Variants in NBAS observed in about 807,000 individuals in gnomAD.
The protein encoded by NBAS is NAG/BC035112 fusion.
NBAS carries 219 observed loss-of-function variants against 302.5 expected under a neutral mutation model. The observed-to-expected ratio is 0.72, with a 90% CI of 0.65 to 0.81. NBAS has a LOEUF of 0.81. Ranked by LOEUF, NBAS falls within the 30% of genes least tolerant of loss-of-function variation. The probability of loss-of-function intolerance (pLI) is 0.00; values close to 1 mark genes in which losing one functional copy is unlikely to be tolerated. For synonymous variants in NBAS, 1,118 were observed against 1,021.6 expected (o/e 1.09, Z -1.80); for missense variants, 2,932 against 2,841.6 (o/e 1.03, Z -0.72).
the NBAS span, among the ~76,000 whole-genome samples, chr2:14,848,125 G>C: frequency 6.6e-6 from 1 of 152,070 alleles, no homozygotes; most frequent in African/African-American, 2.4e-5. Flanking sequence ...CAGCGTGAGC[G>C]ACGCAGAAGA....
intron 31 of NBAS, among the ~76,000 whole-genome samples, chr2:15,369,423 C>A (rs1171623267): frequency 6.6e-6 from 1 of 152,150 alleles, no homozygotes; most frequent in Non-Finnish European, 1.5e-5. Context: ...CTAAGCGATG[C>A]ACACTACTAA....
chr2:15,419,335 A>ATGTGTGTG (rs55830610), intron 23 of NBAS, among the ~76,000 whole-genome samples: 14 of 150,096 alleles, frequency 9.3e-5, no homozygotes, highest in East Asian at 3.9e-4. Context: ...ATACATATAT[A>ATGTGTGTG]TGTGTGTGTG....
intron 44 of NBAS, among the ~76,000 whole-genome samples, chr2:15,264,959 C>G (rs893800831): frequency 1.3e-5 from 2 of 152,134 alleles, no homozygotes; most frequent in Non-Finnish European, 2.9e-5. Context: ...CACTGACATC[C>G]TTAAATCATC....
chr2:14,945,534 A>G, the NBAS span, among the ~76,000 whole-genome samples: 1 of 152,230 alleles, frequency 6.6e-6, no homozygotes, highest in Non-Finnish European at 1.5e-5. Flanking sequence ...AGTGATTTCC[A>G]AGACAACACA....
chr2:15,229,278 T>C lies in NBAS; in HGVS notation c.6236+3144A>G, dbSNP rs549470901. 1.2e-4 allele frequency among the ~76,000 whole-genome samples: 17 copies of C among 137,314 alleles called. No individual in the cohort carries two copies. In the East Asian group the frequency reaches 1.8e-3, roughly 15 times the overall value. 90.1% of individuals were successfully genotyped at this position (137,314 alleles called of 152,430 possible). On this transcript the variant is annotated intron_variant, in intron 47 of 51. Coordinates refer to ENST00000281513, the MANE Select transcript of NBAS (RefSeq NM_015909.4). Reference sequence around the variant, plus strand: ...AATCACTTGAACCCGGGGGCAGAGGTTGCAGTGAGCCGAGATCCCATCACT... The same window carrying C: ...AATCACTTGAACCCGGGGGCAGAGGCTGCAGTGAGCCGAGATCCCATCACT...
At chr2:14,832,068 A>C in the NBAS span, among the ~76,000 whole-genome samples, 1 of 152,094 alleles carries the variant, frequency 6.6e-6, no homozygotes, top group Non-Finnish European at 1.5e-5. Flanking sequence ...GAGATCTGCT[A>C]TTGTTTTATT....
At chr2:15,304,823 C>A (rs1670957327) in intron 40 of NBAS, among the ~76,000 whole-genome samples, 1 of 152,176 alleles carries the variant, frequency 6.6e-6, no homozygotes, top group African/African-American at 2.4e-5. Context: ...CAAAAGGTGA[C>A]TTGGATGCTC....
intron 22 of NBAS, among the ~76,000 whole-genome samples, chr2:15,425,598 C>G (rs1677429692): frequency 6.6e-6 from 1 of 152,134 alleles, no homozygotes; most frequent in African/African-American, 2.4e-5. Flanking sequence ...TTTGCTTATA[C>G]CTGCCACTAC....
the NBAS span, among the ~76,000 whole-genome samples, chr2:15,097,579 C>CT: frequency 6.6e-6 from 1 of 151,912 alleles, no homozygotes; most frequent in African/African-American, 2.4e-5. Flanking sequence ...GGTAAGGACC[C>CT]TTTTCTGAGT....
intron 35 of NBAS, among the ~76,000 whole-genome samples, chr2:15,343,097 C>G (rs1409370003): frequency 6.6e-6 from 1 of 152,044 alleles, no homozygotes; most frequent in African/African-American, 2.4e-5. Context: ...CAAAAGCATA[C>G]CCTGCAAAGA....
chr2:15,483,468 G>T, intron 12 of NBAS: 1 of 252,486 alleles, frequency 4.0e-6, no homozygotes, highest in South Asian at 4.3e-5. Context: ...AATAAAACTT[G>T]AGAGAAAAAT....
At chr2:14,874,364 C>A in the NBAS span, among the ~76,000 whole-genome samples, 1 of 151,556 alleles carries the variant, frequency 6.6e-6, no homozygotes, top group Admixed American at 6.6e-5. Flanking sequence ...CGGTGGCTCA[C>A]GCCTGTAATC....
the NBAS span, among the ~76,000 whole-genome samples, chr2:14,831,881 T>C: frequency 6.6e-6 from 1 of 152,168 alleles, no homozygotes; most frequent in Non-Finnish European, 1.5e-5. Flanking sequence ...TTGTAGATAC[T>C]CCATAGACAT....
rs184722810 is a variant in NBAS, at chr2:15,558,427, T to C, written c.172+153A>G. On this transcript the variant is annotated intron_variant, in intron 2 of 51. Coordinates refer to ENST00000281513, the MANE Select transcript of NBAS (RefSeq NM_015909.4). ...GTGCATGCGTAAATATACAAATGTATACATATACATACATATGTGTGTATA... is the reference window on the plus strand; with the variant it reads ...GTGCATGCGTAAATATACAAATGTACACATATACATACATATGTGTGTATA... 1.0e-3 allele frequency among the ~76,000 whole-genome samples: 155 copies of C among 152,258 alleles called. 1 individual carries two copies. Among genetic ancestry groups the C allele is most frequent in the Non-Finnish European group, 3.7e-4 (25 of 68,034 alleles).
chr2:14,782,762 A>G, the NBAS span, among the ~76,000 whole-genome samples: 4 of 152,230 alleles, frequency 2.6e-5, no homozygotes, highest in African/African-American at 9.6e-5. Flanking sequence ...TACACCATGG[A>G]ATACTACACA....
the NBAS span, among the ~76,000 whole-genome samples, chr2:14,936,536 C>T: frequency 6.6e-6 from 1 of 152,158 alleles, no homozygotes; most frequent in Non-Finnish European, 1.5e-5. Context: ...TGACAGTGTT[C>T]TACAGAGGGC....
rs548741680 is a variant in NBAS, at chr2:15,559,049, T to TGA, written c.118-417_118-416dup. 9.6e-4 allele frequency among the ~76,000 whole-genome samples: 84 copies of TGA among 87,958 alleles called. 1 individual carries two copies. The highest frequency in any genetic ancestry group is 3.0e-3 in the African/African-American group (73 of 24,024). The allele number at this position is 87,958 out of a possible 152,430, so 57.7% of individuals were successfully genotyped here. A position where few individuals can be genotyped will look rare whatever the true frequency, so the allele number is the denominator to read the frequency against. ...CTGCACTCCAGCCTGGGTGACAGAG[T>TGA]GAGACCCTGCCTCAAAAAAAAAAAA... is the stretch of plus-strand genomic sequence containing the variant. On this transcript the variant is annotated intron_variant, in intron 1 of 51. Transcript: ENST00000281513.
In NBAS at chr2:15,427,696, C is replaced by A. The variant is rs547515476; in HGVS notation, c.2423+15G>T. ...CACAAAGAAACAAAGATGCCTCCTG[C>A]AGGCTCATACTGACCTGCAAGCCAA... On this transcript the variant is annotated intron_variant, in intron 22 of 51. Coordinates refer to ENST00000281513, the MANE Select transcript of NBAS (RefSeq NM_015909.4). The A allele has an allele frequency of 1.9e-6, 3 of 1,597,396 alleles. No homozygotes were observed. The highest frequency in any genetic ancestry group is 3.4e-5 in the Admixed American group (2 of 59,282).
At chr2:15,517,084 G>T (rs1252016189) in intron 9 of NBAS, among the ~76,000 whole-genome samples, 2 of 151,828 alleles carry the variant, frequency 1.3e-5, no homozygotes, top group East Asian at 3.9e-4. Flanking sequence ...TTCTTGCACA[G>T]GTATATTCAT....
Sources: gnomAD v4.1 joint callset for allele counts (sites outside exome capture counted in the v4.1 genomes callset) on GRCh38, gnomAD v4.1.1 for gene constraint, MANE v1.5 for transcripts, NCBI Gene and HGNC (gene_info 2026-07-23, HGNC 2026-07-21) for gene names.